Variants in AP3S1 observed in about 807,000 individuals in gnomAD.
The protein encoded by AP3S1 is adaptor related protein complex 3 subunit sigma 1.
Under a neutral mutation model 21.3 loss-of-function variants are expected in AP3S1, and 12 were observed. The ratio of observed to expected loss-of-function variants is 0.56; its 90% CI spans 0.36 to 0.91. AP3S1 has a LOEUF of 0.91. Ranked by LOEUF, AP3S1 falls within the 40% of genes least tolerant of loss-of-function variation. AP3S1 has a pLI of 0.01. For synonymous variants in AP3S1, 48 were observed against 78.4 expected (o/e 0.61, Z 2.05); for missense variants, 116 against 225.0 (o/e 0.52, Z 3.10).
intron 1 of AP3S1, among the ~76,000 whole-genome samples, chr5:115,860,966 G>A (rs1460657737): frequency 6.6e-6 from 1 of 152,154 alleles, no homozygotes; most frequent in Non-Finnish European, 1.5e-5. Flanking sequence ...CTGTCTTCTA[G>A]ATTACAAATT....
chr5:115,903,209 C>T (rs931664473), intron 5 of AP3S1: 12 of 374,038 alleles, frequency 3.2e-5, no homozygotes, highest in Non-Finnish European at 4.8e-5. Flanking sequence ...TAGCCACAGT[C>T]ATAGCTGCCT....
chr5:115,867,424 CAAAT>C (rs1285536259), intron 2 of AP3S1, among the ~76,000 whole-genome samples: 1 of 152,052 alleles, frequency 6.6e-6, no homozygotes, highest in Non-Finnish European at 1.5e-5. Flanking sequence ...ATATTACAAA[CAAAT>C]ACTTTTAAAC....
intron 3 of AP3S1, among the ~76,000 whole-genome samples, chr5:115,873,153 A>G (rs1022266461): frequency 3.3e-5 from 5 of 152,176 alleles, no homozygotes; most frequent in African/African-American, 1.2e-4. Flanking sequence ...ACCATTGATT[A>G]TTATTTTGAT....
intron 1 of AP3S1, among the ~76,000 whole-genome samples, chr5:115,847,133 C>T (rs1400161268): frequency 1.3e-5 from 2 of 152,138 alleles, no homozygotes; most frequent in Non-Finnish European, 2.9e-5. Context: ...GTGTCTTTCC[C>T]TTCATTCTGG....
intron 3 of AP3S1, among the ~76,000 whole-genome samples, chr5:115,882,621 A>ATGAGATGTCTGT (rs1311706788): frequency 1.3e-5 from 2 of 152,066 alleles, no homozygotes; most frequent in Non-Finnish European, 2.9e-5. Context: ...GCTCTCCTGT[A>ATGAGATGTCTGT]TGAGATGTCT....
chr5:115,908,990 T>C (rs1408234287), intron 5 of AP3S1: 8 of 984,728 alleles, frequency 8.1e-6, no homozygotes, highest in Non-Finnish European at 9.6e-6. Flanking sequence ...GTCAAAATTA[T>C]GAATGTGCAT....
At chr5:115,854,021 G>T (rs1029839286) in intron 1 of AP3S1, among the ~76,000 whole-genome samples, 17 of 152,254 alleles carry the variant, frequency 1.1e-4, no homozygotes, top group African/African-American at 3.9e-4. Context: ...GAAGTCCAAG[G>T]TCAAGGAGCC....
intron 3 of AP3S1, among the ~76,000 whole-genome samples, chr5:115,890,961 G>A (rs924159883): frequency 6.6e-6 from 1 of 152,072 alleles, no homozygotes; most frequent in Non-Finnish European, 1.5e-5. Context: ...TCTCCAAAAA[G>A]TTAATATTTG....
intron 3 of AP3S1, among the ~76,000 whole-genome samples, chr5:115,886,956 A>G (rs1312710459): frequency 6.6e-6 from 1 of 152,214 alleles, no homozygotes; most frequent in Non-Finnish European, 1.5e-5. Context: ...CATCACTGGC[A>G]TGTGAGTGTC....
In AP3S1 at chr5:115,895,159, G is replaced by T; in HGVS notation, c.345+1G>T. 6.3e-7 allele frequency: 1 copy of T among 1,593,572 alleles called. No individual in the cohort carries two copies. Among genetic ancestry groups the T allele is most frequent in the African/African-American group, 1.3e-5 (1 of 74,504 alleles). On this transcript the variant is annotated splice_donor_variant, in intron 4 of 5. Transcript: ENST00000316788. LOFTEE classifies it high-confidence loss of function. ...GGATTTGATTTTCCATGTAGACAAG[G>T]TACTATTTGTATTGTCACATCTAAG...
intron 1 of AP3S1, among the ~76,000 whole-genome samples, chr5:115,854,131 C>A (rs980876796): frequency 4.6e-5 from 7 of 152,044 alleles, no homozygotes; most frequent in African/African-American, 1.4e-4. Context: ...CTTTGATAAC[C>A]CACTCCTGTA....
chr5:115,885,781 C>G (rs1316676690), intron 3 of AP3S1, among the ~76,000 whole-genome samples: 1 of 152,166 alleles, frequency 6.6e-6, no homozygotes, highest in Non-Finnish European at 1.5e-5. Context: ...TTTTGTTCTC[C>G]TTAAATTTTA....
At chr5:115,860,163 A>G (rs909286131) in intron 1 of AP3S1, among the ~76,000 whole-genome samples, 8 of 152,344 alleles carry the variant, frequency 5.3e-5, no homozygotes, top group African/African-American at 1.9e-4. Context: ...AGCCAGCGGC[A>G]TAGCAGTATA....
In AP3S1 at chr5:115,870,020, A is replaced by T; in HGVS notation, c.165A>T (p.Leu55Phe). 6.3e-7 allele frequency: 1 copy of T among 1,590,326 alleles called. No homozygotes were observed. The highest frequency in any genetic ancestry group is 8.5e-7 in the Non-Finnish European group (1 of 1,170,624). Residue 55 changes from leucine to phenylalanine, a missense_variant, in exon 3 of 6, where the codon TTA becomes TTT. Leu to Phe is a conservative substitution (Grantham distance 22). Around this residue, in one of 3 missense-constraint regions of AP3S1, gnomAD observed 65 missense variants for 148.2 expected, o/e 0.44. Coordinates refer to ENST00000316788, the MANE Select transcript of AP3S1 (RefSeq NM_001284.4). ...NVCNFLEGGLLIGGSDNKLIY... is the reference protein window; with the variant it reads ...NVCNFLEGGLFIGGSDNKLIY... ...TTACAATTTTTTTGTCATTTAGATT[A>T]ATTGGAGGATCTGACAACAAACTGA...
In AP3S1 at chr5:115,872,448, T is replaced by G. The variant is rs113795061; in HGVS notation, c.273+2320T>G. On this transcript the variant is annotated intron_variant, in intron 3 of 5. Coordinates refer to ENST00000316788, the MANE Select transcript of AP3S1 (RefSeq NM_001284.4). ...GAAACCACAAGGTAATCATGGCACATATTCCTGGTATATGTTTCTTCTTTG... is the reference window on the plus strand; with the variant it reads ...GAAACCACAAGGTAATCATGGCACAGATTCCTGGTATATGTTTCTTCTTTG... Among the ~76,000 whole-genome samples the G allele has an allele frequency of 2.3e-3, 350 of 152,286 alleles. 1 individual carries two copies. Among genetic ancestry groups the G allele is most frequent in the Middle Eastern group, 0.014 (4 of 294 alleles).
intron 4 of AP3S1, among the ~76,000 whole-genome samples, chr5:115,899,880 T>C (rs569659465): frequency 6.6e-6 from 1 of 152,224 alleles, no homozygotes; most frequent in East Asian, 1.9e-4. Flanking sequence ...TAAAGTATTT[T>C]AGTAGGAAAA....
intron 3 of AP3S1, among the ~76,000 whole-genome samples, chr5:115,884,785 G>T (rs1341144569): frequency 6.6e-6 from 1 of 151,932 alleles, no homozygotes; most frequent in Non-Finnish European, 1.5e-5. Context: ...AAATTTTTCT[G>T]GGTTAAAAAA....
At chr5:115,842,132 G>A (rs761131366) in intron 1 of AP3S1, 26 bp downstream of exon 1, 9 of 1,514,896 alleles carry the variant, frequency 5.9e-6, no homozygotes, top group Admixed American at 2.1e-5. Flanking sequence ...CCGCTGATCC[G>A]GGCGAGGGGG....
In AP3S1 at chr5:115,880,709, A is replaced by C. The variant is rs371187082; in HGVS notation, c.273+10581A>C. 8.5e-5 allele frequency among the ~76,000 whole-genome samples: 13 copies of C among 152,290 alleles called. No homozygotes were observed. The South Asian group carries it at 2.7e-3, about 32-fold the overall frequency. Reference sequence around the variant, plus strand: ...GGGGTGGAGCATTCTGTAGATGTCTATTAGGTCCACTTGGTCCACAGCTGA... The same window carrying C: ...GGGGTGGAGCATTCTGTAGATGTCTCTTAGGTCCACTTGGTCCACAGCTGA... On this transcript the variant is annotated intron_variant, in intron 3 of 5. Coordinates refer to ENST00000316788, the MANE Select transcript of AP3S1 (RefSeq NM_001284.4).
Sources: gnomAD v4.1 joint callset for allele counts (sites outside exome capture counted in the v4.1 genomes callset) on GRCh38, gnomAD v4.1.1 for gene constraint, gnomAD v4.1.1 regional missense constraint, MANE v1.5 for transcripts, NCBI Gene and HGNC (gene_info 2026-07-23, HGNC 2026-07-21) for gene names.